Variants in PRKAR2B observed in about 807,000 individuals in gnomAD.
PRKAR2B encodes protein kinase cAMP-dependent type II regulatory subunit beta.
In PRKAR2B, 14 loss-of-function variants were observed where a neutral mutation model predicts 49.9. The ratio of observed to expected loss-of-function variants is 0.28; its 90% CI spans 0.19 to 0.44. The LOEUF (loss-of-function observed/expected upper bound fraction) is 0.44. PRKAR2B is among the 20% of genes least tolerant of loss of function. The pLI, the probability that PRKAR2B is intolerant of heterozygous loss-of-function variation, is 1.00. For missense variants in PRKAR2B, 393 were observed against 537.9 expected (o/e 0.73, Z 2.67); for synonymous variants, 196 against 197.7 (o/e 0.99, Z 0.07).
At position 107,044,850 on chromosome 7, in the gene PRKAR2B, G is replaced by A. The variant is rs1232595120; in HGVS notation, c.-58G>A. 1 of 1,480,196 alleles carries A rather than the reference G, an allele frequency of 6.8e-7. No individual in the cohort carries two copies. The highest frequency in any genetic ancestry group is 1.4e-5 in the African/African-American group (1 of 70,054). The allele number at this position is 1,480,196 out of a possible 1,614,324, so 91.7% of individuals were successfully genotyped here. A position where few individuals can be genotyped will look rare whatever the true frequency, so the allele number is the denominator to read the frequency against. On this transcript the variant is annotated 5_prime_UTR_variant, in exon 1 of 11. Coordinates refer to ENST00000265717, the MANE Select transcript of PRKAR2B (RefSeq NM_002736.3). ...CTCGCTCGGCAGCCGCGGGGCCCTA[G>A]GCCGTGCCGGGGAGGGGGCGAGGGC... is the stretch of plus-strand genomic sequence containing the variant.
chr7:107,145,477 T>G (rs2115651547), intron 5 of PRKAR2B, among the ~76,000 whole-genome samples: 1 of 152,344 alleles, frequency 6.6e-6, no homozygotes, highest in Admixed American at 6.5e-5. Context: ...CAGAAACTCT[T>G]AAATTAGATA....
chr7:107,107,343 A>C (rs1046402055), intron 2 of PRKAR2B, among the ~76,000 whole-genome samples: 4 of 152,208 alleles, frequency 2.6e-5, no homozygotes, highest in Non-Finnish European at 4.4e-5. Context: ...TCTCAAAAAA[A>C]AAAAGCCATT....
intron 2 of PRKAR2B, among the ~76,000 whole-genome samples, chr7:107,118,808 G>A (rs1459085117): frequency 1.3e-5 from 2 of 152,200 alleles, no homozygotes; most frequent in Non-Finnish European, 2.9e-5. Flanking sequence ...AACAGTTTAA[G>A]TGTTGATAAG....
At chr7:107,157,369 G>A (rs778547908) in intron 10 of PRKAR2B, 45 bp downstream of exon 10, 2 of 1,575,922 alleles carry the variant, frequency 1.3e-6, no homozygotes, top group East Asian at 2.3e-5. Context: ...TTGAACTTAT[G>A]TCTGCATTTT....
chr7:107,116,419 CTTGATTTCTAGACTGTTTCTATAAA>C (rs1795274151), intron 2 of PRKAR2B, among the ~76,000 whole-genome samples: 1 of 151,980 alleles, frequency 6.6e-6, no homozygotes, highest in Non-Finnish European at 1.5e-5. Context: ...CTATTTCTGT[CTTGATTTCTAGACTGTTTCTATAAA>C]TGTTTTAAAT....
intron 1 of PRKAR2B, among the ~76,000 whole-genome samples, chr7:107,058,436 A>G (rs541658359): frequency 1.5e-4 from 23 of 152,330 alleles, no homozygotes; most frequent in African/African-American, 4.3e-4. Context: ...CAAGTCTTAC[A>G]TTAGTATGTG....
chr7:107,057,747 G>A (rs1013506726), intron 1 of PRKAR2B, among the ~76,000 whole-genome samples: 4 of 151,652 alleles, frequency 2.6e-5, no homozygotes, highest in Non-Finnish European at 4.4e-5. Flanking sequence ...CCTGGCATAC[G>A]CTAAGCATTA....
At chr7:107,091,434 C>T (rs1426419112) in intron 2 of PRKAR2B, among the ~76,000 whole-genome samples, 1 of 152,126 alleles carries the variant, frequency 6.6e-6, no homozygotes, top group African/African-American at 2.4e-5. Context: ...CAAATGTCAC[C>T]TACCCTGATT....
intron 10 of PRKAR2B, among the ~76,000 whole-genome samples, 175 bp downstream of exon 10, chr7:107,157,499 C>T (rs542306222): frequency 1.1e-3 from 160 of 152,180 alleles, no homozygotes; most frequent in Non-Finnish European, 1.4e-3. Context: ...ATTTTTTCTT[C>T]GAAATTTTTA....
intron 1 of PRKAR2B, among the ~76,000 whole-genome samples, chr7:107,046,641 A>G (rs964592994): frequency 6.6e-6 from 1 of 152,190 alleles, no homozygotes; most frequent in African/African-American, 2.4e-5. Context: ...CCTACCAGAA[A>G]CGAGAAAGAG....
chr7:107,143,776 A>G (rs889959494), intron 5 of PRKAR2B, among the ~76,000 whole-genome samples: 2 of 152,220 alleles, frequency 1.3e-5, no homozygotes, highest in African/African-American at 2.4e-5. Context: ...AAAATATTAA[A>G]TAAAATTATA....
intron 1 of PRKAR2B, among the ~76,000 whole-genome samples, chr7:107,061,890 C>G (rs769236685): frequency 6.6e-6 from 1 of 152,068 alleles, no homozygotes; most frequent in Non-Finnish European, 1.5e-5. Context: ...GAGTGAGACT[C>G]TGTCTCGGAA....
chr7:107,154,618 AATTCAAC>A (rs1218317784), intron 8 of PRKAR2B, among the ~76,000 whole-genome samples: 1 of 152,196 alleles, frequency 6.6e-6, no homozygotes, highest in Non-Finnish European at 1.5e-5. Flanking sequence ...TAAAAATCTA[AATTCAAC>A]ATTTATTTTT....
At chr7:107,132,464 C>T (rs192581157) in intron 4 of PRKAR2B, among the ~76,000 whole-genome samples, 34 of 151,976 alleles carry the variant, frequency 2.2e-4, no homozygotes, top group Non-Finnish European at 4.4e-5. Flanking sequence ...GGGAAGCAGA[C>T]AAGAACAAAA....
At chr7:107,156,805 C>CAA (rs761387174) in intron 8 of PRKAR2B, among the ~76,000 whole-genome samples, 179 bp from the exon 9 acceptor site, 5 of 115,778 alleles carry the variant, frequency 4.3e-5, no homozygotes, top group Admixed American at 9.0e-5. Context: ...GACTCCGTCT[C>CAA]AAAAAAAAAA....
intron 3 of PRKAR2B, among the ~76,000 whole-genome samples, chr7:107,127,151 G>A (rs1795510930): frequency 6.6e-6 from 1 of 152,164 alleles, no homozygotes; most frequent in Non-Finnish European, 1.5e-5. Flanking sequence ...TTTGATGTTT[G>A]TGGCTATAAA....
intron 10 of PRKAR2B, among the ~76,000 whole-genome samples, chr7:107,157,768 T>G (rs907755989): frequency 6.6e-6 from 1 of 152,224 alleles, no homozygotes; most frequent in Admixed American, 6.5e-5. Context: ...CAAAGCACAG[T>G]CAAATGTTCT....
intron 1 of PRKAR2B, among the ~76,000 whole-genome samples, chr7:107,053,937 A>G (rs1793859360): frequency 6.6e-6 from 1 of 152,220 alleles, no homozygotes; most frequent in South Asian, 2.1e-4. Flanking sequence ...ATCGTTCACT[A>G]TTTGCTTTCT....
chr7:107,118,554 G>C (rs575663863), intron 2 of PRKAR2B, among the ~76,000 whole-genome samples: 1 of 152,300 alleles, frequency 6.6e-6, no homozygotes, highest in African/African-American at 2.4e-5. Context: ...CTGGAGGGCT[G>C]CGTCTCAGCC....
Sources: gnomAD v4.1 joint callset for allele counts (sites outside exome capture counted in the v4.1 genomes callset) on GRCh38, gnomAD v4.1.1 for gene constraint, MANE v1.5 for transcripts, NCBI Gene and HGNC (gene_info 2026-07-23, HGNC 2026-07-21) for gene names.